HDAC9: variants seen among roughly 807,000 people sequenced by gnomAD.
HDAC9 encodes the protein MEF-2 interacting transcription repressor (MITR) protein.
HDAC9 carries 41 observed loss-of-function variants against 139.4 expected under a neutral mutation model. The ratio of observed to expected loss-of-function variants is 0.29; its 90% CI spans 0.23 to 0.38. HDAC9 has a LOEUF of 0.38. Among genes scored for constraint, HDAC9 ranks in the 10% least tolerant of loss-of-function variants. The pLI is 1.00. For missense variants in HDAC9, 1,147 were observed against 1,297.0 expected (o/e 0.88, Z 1.78); for synonymous variants, 517 against 476.2 (o/e 1.09, Z -1.12).
intron 21 of HDAC9, among the ~76,000 whole-genome samples, chr7:18,837,517 GATACACATTAAATTCATGTTAA>G (rs1393196461): frequency 4.6e-5 from 7 of 151,982 alleles, no homozygotes; most frequent in Non-Finnish European, 8.8e-5. Flanking sequence ...TAACTTGCAT[GATACACATTAAATTCATGTTAA>G]ATACACATTA....
At chr7:18,897,518 C>A (rs1308417331) in intron 22 of HDAC9, among the ~76,000 whole-genome samples, 2 of 151,868 alleles carry the variant, frequency 1.3e-5, no homozygotes, top group East Asian at 3.9e-4. Flanking sequence ...GGTTTCTGAT[C>A]CTTCCTGTTT....
upstream of HDAC9, among the ~76,000 whole-genome samples, chr7:18,494,104 C>T (rs979034918): frequency 1.3e-5 from 2 of 151,942 alleles, no homozygotes; most frequent in Admixed American, 1.3e-4. Context: ...CAGATAATTG[C>T]TTTTTGTTTT....
At chr7:18,709,228 A>G (rs929342960) in intron 12 of HDAC9, among the ~76,000 whole-genome samples, 8 of 151,888 alleles carry the variant, frequency 5.3e-5, no homozygotes, top group African/African-American at 1.9e-4. Flanking sequence ...GTGTGTGTGT[A>G]TTGTTCCCCT....
chr7:18,601,333 G>T (rs780372044), intron 6 of HDAC9, among the ~76,000 whole-genome samples: 1 of 152,124 alleles, frequency 6.6e-6, no homozygotes, highest in Non-Finnish European at 1.5e-5. Flanking sequence ...TTGCCAATTG[G>T]TATAACAGCT....
chr7:18,782,272 G>A (rs1230800940), intron 16 of HDAC9, among the ~76,000 whole-genome samples: 2 of 152,084 alleles, frequency 1.3e-5, no homozygotes, highest in African/African-American at 4.8e-5. Context: ...TATGAAACCT[G>A]TTTTGTTAAT....
chr7:18,488,112 A>AT (rs982954470), intron 1 of HDAC9, among the ~76,000 whole-genome samples: 5 of 151,968 alleles, frequency 3.3e-5, no homozygotes, highest in African/African-American at 4.8e-5. Flanking sequence ...GACTTCTAGA[A>AT]TTTTTTTATT....
intron 16 of HDAC9, among the ~76,000 whole-genome samples, chr7:18,768,525 G>T (rs1353125613): frequency 6.6e-6 from 1 of 152,116 alleles, no homozygotes; most frequent in African/African-American, 2.4e-5. Context: ...TGTGGAGCTG[G>T]GAGCTTGCAA....
chr7:18,535,683 A>G, intron 2 of HDAC9, among the ~76,000 whole-genome samples: 1 of 142,758 alleles, frequency 7.0e-6, no homozygotes. Flanking sequence ...CATTGAATCT[A>G]CAAACATTTT....
intron 24 of HDAC9, among the ~76,000 whole-genome samples, chr7:18,973,636 G>C (rs1784383275): frequency 6.6e-6 from 1 of 152,192 alleles, no homozygotes; most frequent in African/African-American, 2.4e-5. Flanking sequence ...GAGCTGGATA[G>C]TATTTGGCAT....
chr7:18,706,220 G>A lies in HDAC9; in HGVS notation c.1732-21360G>A, dbSNP rs535243951. ...CCCTGAGCCGCAATAAATTTCCACA[G>A]CAAACCTAAACATTTCATTTGCGTA... On this transcript the variant is annotated intron_variant, in intron 12 of 25. Transcript: ENST00000686413. Among the ~76,000 whole-genome samples the A allele has an allele frequency of 1.4e-3, 165 of 114,942 alleles. 2 individuals carry two copies. The Middle Eastern group carries it at 0.023, about 16-fold the overall frequency. The allele number at this position is 114,942 out of a possible 152,430, so 75.4% of individuals were successfully genotyped here.
chr7:18,423,724 A>G (rs1440349216), intron 1 of HDAC9, among the ~76,000 whole-genome samples: 1 of 152,168 alleles, frequency 6.6e-6, no homozygotes, highest in Admixed American at 6.6e-5. Context: ...TACATGGAGA[A>G]TGGATCCCAA....
chr7:18,692,811 AT>A lies in HDAC9; in HGVS notation c.1731+26341del, dbSNP rs557403141. ...ATATTTTATGGTAAAAAGTAAGTGC[AT>A]TTTTTGGGCACTGGTAAATAATGAT... On this transcript the variant is annotated intron_variant, in intron 12 of 25. Transcript: ENST00000686413. Among the ~76,000 whole-genome samples the A allele has an allele frequency of 4.5e-3, 681 of 152,190 alleles. 1 individual carries two copies. The highest frequency in any genetic ancestry group is 7.5e-3 in the Non-Finnish European group (511 of 68,006).
chr7:18,814,235 A>G (rs1178623432), intron 17 of HDAC9, among the ~76,000 whole-genome samples: 1 of 152,206 alleles, frequency 6.6e-6, no homozygotes, highest in Admixed American at 6.5e-5. Context: ...TAAATGGGAA[A>G]TAATGGTTCC....
chr7:18,449,793 C>T (rs13245996), intron 1 of HDAC9, among the ~76,000 whole-genome samples: 7,848 of 152,074 alleles, frequency 0.052, 249 homozygotes, highest in South Asian at 0.078. Flanking sequence ...GAAAGGTCTT[C>T]CTCAAGTTTA....
chr7:18,753,413 G>A (rs1228888439), intron 14 of HDAC9, among the ~76,000 whole-genome samples: 2 of 152,126 alleles, frequency 1.3e-5, no homozygotes, highest in East Asian at 3.9e-4. Flanking sequence ...TAGATCTTGT[G>A]ATGAATAACT....
At chr7:18,633,308 T>C (rs2128987098) in intron 7 of HDAC9, among the ~76,000 whole-genome samples, 1 of 152,202 alleles carries the variant, frequency 6.6e-6, no homozygotes, top group South Asian at 2.1e-4. Context: ...GAGAGAACAG[T>C]TGCAGTTAAT....
intron 12 of HDAC9, chr7:18,667,799 T>C (rs1269676486): frequency 2.0e-6 from 2 of 984,884 alleles, no homozygotes; most frequent in Non-Finnish European, 2.4e-6. Context: ...GTAGGGAAAT[T>C]GTTACGGAAG....
intron 1 of HDAC9, among the ~76,000 whole-genome samples, chr7:18,146,623 A>G (rs933998796): frequency 6.6e-6 from 1 of 152,194 alleles, no homozygotes; most frequent in African/African-American, 2.4e-5. Context: ...GGCTGCAGAA[A>G]CAATGCTTTT....
chr7:18,239,419 G>A (rs1177302650), intron 2 of HDAC9, among the ~76,000 whole-genome samples: 1 of 152,150 alleles, frequency 6.6e-6, no homozygotes, highest in Non-Finnish European at 1.5e-5. Context: ...GAGAGAGGCT[G>A]TGAGTAGATG....
Sources: gnomAD v4.1 joint callset for allele counts (sites outside exome capture counted in the v4.1 genomes callset) on GRCh38, gnomAD v4.1.1 for gene constraint, MANE v1.5 for transcripts, NCBI Gene and HGNC (gene_info 2026-07-23, HGNC 2026-07-21) for gene names.